The following GON4L variants were observed in gnomAD, a reference collection of about 807,000 sequenced individuals.
GON4L encodes the protein gon-4 like.
In GON4L, 87 loss-of-function variants were observed where a neutral mutation model predicts 211.8. That is an observed-to-expected ratio of 0.41 (90% CI 0.35 to 0.49). The LOEUF is 0.49. GON4L is among the 20% of genes least tolerant of loss of function. The probability of loss-of-function intolerance (pLI) is 0.15; values close to 1 mark genes in which losing one functional copy is unlikely to be tolerated. For missense variants in GON4L, 2,155 were observed against 2,659.5 expected, an observed-to-expected ratio of 0.81 and a Z score of 4.17; for synonymous variants, 875 against 962.6, an observed-to-expected ratio of 0.91 and a Z score of 1.68.
chr1:155,852,626 C>T (rs992204353), intron 2 of GON4L, among the ~76,000 whole-genome samples: 1 of 151,996 alleles, frequency 6.6e-6, no homozygotes, highest in African/African-American at 2.4e-5. Context: ...GCCTGTAGTC[C>T]CAGCTACTCG....
At position 155,853,794 on chromosome 1, in the gene GON4L, C is replaced by A; in HGVS notation, c.-14G>T. 6.2e-7 allele frequency: 1 copy of A among 1,609,780 alleles called. No individual in the cohort carries two copies. Among genetic ancestry groups the A allele is most frequent in the East Asian group, 2.2e-5 (1 of 44,874 alleles). ...ACAGGGCAACATTTTAAAAGTCCCA[C>A]TTTTGTTCCATTCTGAAAGAATAAA... On this transcript the variant is annotated 5_prime_UTR_variant, in exon 2 of 32. Transcript: ENST00000368331.
chr1:155,839,719 G>T (rs1557921188), intron 2 of GON4L, among the ~76,000 whole-genome samples: 1 of 151,656 alleles, frequency 6.6e-6, no homozygotes, highest in African/African-American at 2.4e-5. Context: ...TACATGGTCT[G>T]TGCAGGTCAT....
At chr1:155,813,436 A>G (rs1667964426) in intron 10 of GON4L, among the ~76,000 whole-genome samples, 198 bp downstream of exon 10, 1 of 151,970 alleles carries the variant, frequency 6.6e-6, no homozygotes. Context: ...TGTCTCAAAA[A>G]CAAACAAACA....
At position 155,805,118 on chromosome 1, in the gene GON4L, T is replaced by C; in HGVS notation, c.1476A>G (p.Ala492=). The stretch of plus-strand genomic sequence containing the variant: ...GGGGCATCTTAGAACGCGTTCGAAA[T>C]GCAATGAGACTGTCATCCATGGGCT... ...SFQPMDDSLI[A]FRTRSKMPLK... Residue 492 remains alanine (A), a synonymous_variant, in exon 11 of 32, where the codon GCA becomes GCG. Coordinates refer to ENST00000368331, the MANE Select transcript of GON4L (RefSeq NM_001282860.2). The C allele has an allele frequency of 6.2e-7, 1 of 1,613,540 alleles. No individual in the cohort carries two copies. The highest frequency in any genetic ancestry group is 8.5e-7 in the Non-Finnish European group (1 of 1,179,502).
rs1246975743 is a variant in GON4L at position 155,822,278 on chromosome 1, T to C, written c.888+8A>G. ...TTCCATTTACATAACTGCCCCAGTCTTACTCACATGAAGGATGTTTCGGAC... is the reference window on the plus strand; with the variant it reads ...TTCCATTTACATAACTGCCCCAGTCCTACTCACATGAAGGATGTTTCGGAC... On this transcript the variant is annotated splice_region_variant and intron_variant, in intron 4 of 31. Transcript: ENST00000368331. 2.5e-6 allele frequency: 4 copies of C among 1,608,232 alleles called. No individual in the cohort carries two copies. The highest frequency in any genetic ancestry group is 3.4e-6 in the Non-Finnish European group (4 of 1,174,698).
chr1:155,814,297 GTCT>G, intron 9 of GON4L, 30 bp downstream of exon 9: 7 of 1,587,490 alleles, frequency 4.4e-6, no homozygotes, highest in Non-Finnish European at 6.0e-6. Context: ...AGACAGTTAT[GTCT>G]AACATCTCTT....
At chr1:155,831,245 G>A (rs893199987) in intron 2 of GON4L, among the ~76,000 whole-genome samples, 1 of 152,078 alleles carries the variant, frequency 6.6e-6, no homozygotes, top group Non-Finnish European at 1.5e-5. Flanking sequence ...GCAGCAGTGA[G>A]CCGTAATTGC....
At chr1:155,842,518 C>CT in intron 2 of GON4L, among the ~76,000 whole-genome samples, 1 of 110,298 alleles carries the variant, frequency 9.1e-6, no homozygotes, top group Admixed American at 1.1e-4. Context: ...AGCGAGACTC[C>CT]ATCTCAAAAA....
At chr1:155,745,761 C>A, downstream of GON4L, 1 of 925,446 alleles carries the variant, frequency 1.1e-6, no homozygotes, top group South Asian at 1.6e-5. Context: ...CACGCGCCTG[C>A]CAAGCCAATC....
At chr1:155,804,590 C>A (rs950425035) in intron 11 of GON4L, among the ~76,000 whole-genome samples, 2 of 151,894 alleles carry the variant, frequency 1.3e-5, no homozygotes, top group African/African-American at 4.8e-5. Flanking sequence ...TTGGGAACAG[C>A]CTGGGCAACA....
chr1:155,813,529 T>A, intron 10 of GON4L, 105 bp downstream of exon 10: 2 of 846,198 alleles, frequency 2.4e-6, no homozygotes, highest in Non-Finnish European at 2.0e-6. Flanking sequence ...GACTAACTCT[T>A]ACTTATATAA....
At chr1:155,818,705 C>T (rs543036871) in intron 6 of GON4L, among the ~76,000 whole-genome samples, 4 of 152,262 alleles carry the variant, frequency 2.6e-5, no homozygotes, top group South Asian at 2.1e-4. Context: ...TTTTGGCATA[C>T]TTTTAAAAGG....
chr1:155,791,110 A>G (rs1207054854), intron 12 of GON4L, among the ~76,000 whole-genome samples: 2 of 151,218 alleles, frequency 1.3e-5, no homozygotes, highest in South Asian at 2.1e-4. Context: ...AAAAATACAA[A>G]AAGTAGCCGG....
chr1:155,764,426 ATTTTTTTTTTTTTTT>A (rs371568461), intron 21 of GON4L: 43,060 of 139,954 alleles, frequency 0.31, 6,487 homozygotes, highest in East Asian at 0.63. Context: ...GTTATTTACT[ATTTTTTTTTTTTTTT>A]TTTTTTTTTT....
At chr1:155,755,870 G>A (rs1375589232) in intron 27 of GON4L, among the ~76,000 whole-genome samples, 2 of 150,418 alleles carry the variant, frequency 1.3e-5, no homozygotes, top group East Asian at 3.9e-4. Context: ...TTATGATGAA[G>A]AAACTGAAAC....
At chr1:155,785,093 C>A (rs1664809482) in intron 13 of GON4L, 1 of 561,536 alleles carries the variant, frequency 1.8e-6, no homozygotes, top group Non-Finnish European at 3.3e-6. Flanking sequence ...GAGCAAGAAC[C>A]CCCTCAAACA....
intron 11 of GON4L, among the ~76,000 whole-genome samples, chr1:155,801,642 G>A (rs1274971775): frequency 6.6e-6 from 1 of 151,626 alleles, no homozygotes; most frequent in Non-Finnish European, 1.5e-5. Context: ...CAGCATTTTG[G>A]GAGGCCAAGG....
At chr1:155,756,169 A>G (rs1345646515) in intron 27 of GON4L, among the ~76,000 whole-genome samples, 1 of 152,154 alleles carries the variant, frequency 6.6e-6, no homozygotes, top group East Asian at 1.9e-4. Context: ...GATTACTGTG[A>G]GAATTAAATG....
At chr1:155,828,913 A>C (rs1009917233) in intron 2 of GON4L, among the ~76,000 whole-genome samples, 1 of 152,258 alleles carries the variant, frequency 6.6e-6, no homozygotes, top group Non-Finnish European at 1.5e-5. Context: ...AAATTGTTTA[A>C]CAGTTACCTG....
Sources: gnomAD v4.1 joint callset for allele counts (sites outside exome capture counted in the v4.1 genomes callset) on GRCh38, gnomAD v4.1.1 for gene constraint, MANE v1.5 for transcripts, NCBI Gene and HGNC (gene_info 2026-07-23, HGNC 2026-07-21) for gene names.